SLC9A8: variants seen among roughly 807,000 people sequenced by gnomAD.
SLC9A8 encodes the protein sodium/hydrogen exchanger 8.
In SLC9A8, 48 loss-of-function variants were observed where a neutral mutation model predicts 66.6. The observed-to-expected ratio is 0.72, with a 90% CI of 0.57 to 0.92. The LOEUF (loss-of-function observed/expected upper bound fraction) is 0.92. Among genes scored for constraint, SLC9A8 ranks in the 40% least tolerant of loss-of-function variants. The pLI, the probability that SLC9A8 is intolerant of heterozygous loss-of-function variation, is 0.00. For missense variants in SLC9A8, 599 were observed against 747.3 expected, an observed-to-expected ratio of 0.80 and a Z score of 2.31; for synonymous variants, 274 against 282.6, an observed-to-expected ratio of 0.97 and a Z score of 0.31.
intron 1 of SLC9A8, among the ~76,000 whole-genome samples, chr20:49,814,394 A>G (rs1006060798): frequency 6.6e-6 from 1 of 152,244 alleles, no homozygotes; most frequent in African/African-American, 2.4e-5. Flanking sequence ...TTGTAGTCAC[A>G]GTAACAGTTA....
At chr20:49,882,545 G>A (rs933860673) in intron 13 of SLC9A8, among the ~76,000 whole-genome samples, 3 of 152,186 alleles carry the variant, frequency 2.0e-5, no homozygotes, top group South Asian at 2.1e-4. Context: ...CACTGAGTGC[G>A]CTCACCCGTC....
chr20:49,833,245 A>T (rs1267223050), intron 3 of SLC9A8, among the ~76,000 whole-genome samples: 1 of 152,140 alleles, frequency 6.6e-6, no homozygotes, highest in Non-Finnish European at 1.5e-5. Context: ...CTTGTGAAAA[A>T]GCTTGTAAGA....
At chr20:49,836,801 A>G (rs1356826157) in intron 3 of SLC9A8, among the ~76,000 whole-genome samples, 2 of 152,200 alleles carry the variant, frequency 1.3e-5, no homozygotes, top group African/African-American at 4.8e-5. Context: ...CCCATCAGCA[A>G]TGAGTGCGTG....
intron 2 of SLC9A8, among the ~76,000 whole-genome samples, chr20:49,820,804 C>T (rs1454437509): frequency 1.3e-5 from 2 of 152,120 alleles, no homozygotes; most frequent in African/African-American, 2.4e-5. Context: ...CTCAGCCTCC[C>T]AAAGTGCTGG....
chr20:49,834,312 G>GTGTATATATATATATAC (rs2087369141), intron 3 of SLC9A8, among the ~76,000 whole-genome samples: 1 of 114,702 alleles, frequency 8.7e-6, no homozygotes, highest in African/African-American at 3.3e-5. Flanking sequence ...TATATACAGT[G>GTGTATATATATATATAC]TGTATATATA....
At chr20:49,826,583 C>T (rs1223592719) in intron 3 of SLC9A8, among the ~76,000 whole-genome samples, 1 of 152,182 alleles carries the variant, frequency 6.6e-6, no homozygotes, top group Admixed American at 6.5e-5. Flanking sequence ...TTCTACCTTA[C>T]TGTATTTTTA....
At chr20:49,843,726 C>G (rs1257579269) in intron 4 of SLC9A8, among the ~76,000 whole-genome samples, 4 of 152,112 alleles carry the variant, frequency 2.6e-5, no homozygotes, top group African/African-American at 9.7e-5. Flanking sequence ...AAACACCTTT[C>G]GTAGTGGCAC....
intron 6 of SLC9A8, among the ~76,000 whole-genome samples, chr20:49,850,551 TTAAG>T (rs1282711717): frequency 6.6e-6 from 1 of 152,224 alleles, no homozygotes; most frequent in Non-Finnish European, 1.5e-5. Context: ...GCTTCTAGTA[TTAAG>T]TAAGAATAAA....
At chr20:49,832,775 T>G (rs1277851564) in intron 3 of SLC9A8, among the ~76,000 whole-genome samples, 1 of 151,906 alleles carries the variant, frequency 6.6e-6, no homozygotes, top group Non-Finnish European at 1.5e-5. Flanking sequence ...CAGGACACAT[T>G]CTGGGGGTGG....
At chr20:49,830,317 G>T (rs551060073) in intron 3 of SLC9A8, 40 of 1,085,582 alleles carry the variant, frequency 3.7e-5, no homozygotes, top group Non-Finnish European at 5.0e-5. Flanking sequence ...GTCTGGAACC[G>T]CACTGCCAAG....
At chr20:49,814,583 A>G (rs1430042544) in intron 1 of SLC9A8, among the ~76,000 whole-genome samples, 2 of 152,194 alleles carry the variant, frequency 1.3e-5, no homozygotes, top group Non-Finnish European at 2.9e-5. Flanking sequence ...CAGATCAACA[A>G]CTGGGCAAAT....
At chr20:49,832,805 A>C (rs368819633) in intron 3 of SLC9A8, among the ~76,000 whole-genome samples, 1 of 152,130 alleles carries the variant, frequency 6.6e-6, no homozygotes, top group African/African-American at 2.4e-5. Context: ...AAGATGTGGT[A>C]ATGTAACCGG....
chr20:49,827,465 A>G (rs1471741582), intron 3 of SLC9A8, among the ~76,000 whole-genome samples: 1 of 151,594 alleles, frequency 6.6e-6, no homozygotes, highest in Non-Finnish European at 1.5e-5. Flanking sequence ...TTAGTCAGGC[A>G]TGGTGGTGCA....
intron 10 of SLC9A8, among the ~76,000 whole-genome samples, chr20:49,869,723 C>T (rs2089132901): frequency 6.6e-6 from 1 of 152,004 alleles, no homozygotes; most frequent in Non-Finnish European, 1.5e-5. Context: ...GTCCCAGCTA[C>T]TCGGCAGGCT....
At chr20:49,827,219 G>A (rs141195849) in intron 3 of SLC9A8, among the ~76,000 whole-genome samples, 5,608 of 151,608 alleles carry the variant, frequency 0.037, 146 homozygotes, top group East Asian at 0.087. Context: ...TGGGATTACA[G>A]GCATGAACCA....
At chr20:49,851,951 GTTGAA>G (rs1285695249) in intron 7 of SLC9A8, among the ~76,000 whole-genome samples, 2 of 152,356 alleles carry the variant, frequency 1.3e-5, no homozygotes, top group Non-Finnish European at 2.9e-5. Flanking sequence ...TTCCTGTGAA[GTTGAA>G]TTGAATCAGT....
At chr20:49,849,514 G>A in intron 5 of SLC9A8, 65 bp from the exon 6 acceptor site, 2 of 1,246,726 alleles carry the variant, frequency 1.6e-6, no homozygotes, top group Non-Finnish European at 2.3e-6. Context: ...AGGTGTGCAG[G>A]CCGTGCCTTC....
intron 13 of SLC9A8, among the ~76,000 whole-genome samples, chr20:49,883,560 G>C (rs972426964): frequency 7.2e-5 from 11 of 152,216 alleles, no homozygotes; most frequent in African/African-American, 2.4e-4. Flanking sequence ...CAAGACACGA[G>C]CATCAGGCTT....
intron 10 of SLC9A8, among the ~76,000 whole-genome samples, chr20:49,871,763 C>T (rs1314525249): frequency 6.6e-6 from 1 of 152,208 alleles, no homozygotes. Context: ...GTCCAGATGG[C>T]CCAGTGCCAA....
Sources: gnomAD v4.1 joint callset for allele counts (sites outside exome capture counted in the v4.1 genomes callset) on GRCh38, gnomAD v4.1.1 for gene constraint, MANE v1.5 for transcripts, NCBI Gene and HGNC (gene_info 2026-07-23, HGNC 2026-07-21) for gene names.